Variants in RAB44 observed in about 807,000 individuals in gnomAD.
RAB44 encodes ras-related protein Rab-44.
A neutral mutation model predicts 93.3 loss-of-function variants in RAB44; 67 were observed. The observed-to-expected ratio is 0.72, with a 90% CI of 0.59 to 0.88. The LOEUF (loss-of-function observed/expected upper bound fraction) is 0.88. Among genes scored for constraint, RAB44 ranks in the 40% least tolerant of loss-of-function variants. The probability of loss-of-function intolerance (pLI) is 0.00; values close to 1 mark genes in which losing one functional copy is unlikely to be tolerated. For synonymous variants in RAB44, 427 were observed against 520.3 expected (o/e 0.82, Z 2.44); for missense variants, 1,064 against 1,261.7 (o/e 0.84, Z 2.37).
At chr6:36,704,663 G>A (rs1762600422) in intron 2 of RAB44, among the ~76,000 whole-genome samples, 1 of 152,188 alleles carries the variant, frequency 6.6e-6, no homozygotes, top group Non-Finnish European at 1.5e-5. Flanking sequence ...ACCAGCGAAA[G>A]TACTTTAAGC....
rs1467193111 is a variant in RAB44, at chr6:36,721,156, C to T, written c.1022C>T (p.Pro341Leu). The change falls in exon 9 of 14, where the codon CCT becomes CTT. Residue 341 changes from proline to leucine, a missense_variant. By Grantham distance (98) the Pro-to-Leu change is moderately conservative (BLOSUM62 -3). Transcript: ENST00000612677. Reference protein sequence around the residue: ...SWQVEEKLSFPGAGEKTPDPQ... With the variant: ...SWQVEEKLSFLGAGEKTPDPQ... ...CTTCCCTGCTTCATTTCCAGTTTTC[C>T]TGGAGCGGGTGAGAAGACCCCAGAC... 12 of 1,234,324 alleles carry T rather than the reference C, an allele frequency of 9.7e-6. No individual in the cohort carries two copies. Among genetic ancestry groups the T allele is most frequent in the Non-Finnish European group, 1.2e-5 (12 of 988,224 alleles). The allele number at this position is 1,234,324 out of a possible 1,614,324, so 76.5% of individuals were successfully genotyped here. A position where few individuals can be genotyped will look rare whatever the true frequency, so the allele number is the denominator to read the frequency against.
chr6:36,711,306 C>T (rs955593259), intron 2 of RAB44, among the ~76,000 whole-genome samples: 39 of 151,962 alleles, frequency 2.6e-4, no homozygotes, highest in African/African-American at 8.5e-4. Flanking sequence ...TTATTTGATC[C>T]GAAAGTCGAA....
intron 1 of RAB44, among the ~76,000 whole-genome samples, chr6:36,703,934 CTT>C (rs1315642225): frequency 6.6e-6 from 1 of 152,116 alleles, no homozygotes; most frequent in Non-Finnish European, 1.5e-5. Context: ...TCGGAGAAGA[CTT>C]TGATAGTTGA....
chr6:36,705,178 A>G (rs540029574), intron 2 of RAB44, among the ~76,000 whole-genome samples: 1 of 152,118 alleles, frequency 6.6e-6, no homozygotes, highest in South Asian at 2.1e-4. Flanking sequence ...AGAGCGTTTG[A>G]GAAGCCAGCA....
chr6:36,716,197 C>T (rs532805301), intron 4 of RAB44, among the ~76,000 whole-genome samples: 7 of 152,234 alleles, frequency 4.6e-5, no homozygotes, highest in African/African-American at 9.6e-5. Flanking sequence ...TGGCCGGGCA[C>T]GGTGGCTCAT....
At chr6:36,729,894 C>T (rs1455914826) in intron 12 of RAB44, among the ~76,000 whole-genome samples, 5 of 152,148 alleles carry the variant, frequency 3.3e-5, no homozygotes, top group Non-Finnish European at 2.9e-5. Flanking sequence ...CTAATGGATA[C>T]CCATGTATAA....
intron 11 of RAB44, among the ~76,000 whole-genome samples, chr6:36,728,029 T>G (rs545929187): frequency 6.6e-6 from 1 of 152,232 alleles, no homozygotes; most frequent in South Asian, 2.1e-4. Context: ...ACATCTCTAG[T>G]TTTTCCCCTG....
chr6:36,716,038 T>G (rs545320966), intron 4 of RAB44, among the ~76,000 whole-genome samples: 46 of 152,214 alleles, frequency 3.0e-4, no homozygotes, highest in Non-Finnish European at 4.6e-4. Context: ...GGTGCCTTTC[T>G]TCACTCAGTG....
chr6:36,728,634 G>C, intron 11 of RAB44, 66 bp from the exon 12 acceptor site: 2 of 1,339,794 alleles, frequency 1.5e-6, no homozygotes, highest in Non-Finnish European at 2.1e-6. Flanking sequence ...CAGCTTCTAG[G>C]AAGGCAAATG....
chr6:36,707,688 G>C (rs761274215), intron 2 of RAB44, among the ~76,000 whole-genome samples: 1 of 152,172 alleles, frequency 6.6e-6, no homozygotes, highest in South Asian at 2.1e-4. Flanking sequence ...CATCGAACCT[G>C]GTACAGTCCT....
intron 2 of RAB44, among the ~76,000 whole-genome samples, chr6:36,704,953 C>T (rs1254831291): frequency 6.6e-6 from 1 of 152,046 alleles, no homozygotes; most frequent in Non-Finnish European, 1.5e-5. Context: ...AACCCCGTCT[C>T]TACTAAAAAT....
intron 1 of RAB44, among the ~76,000 whole-genome samples, chr6:36,703,936 T>C (rs1177463650): frequency 1.3e-5 from 2 of 151,934 alleles, no homozygotes; most frequent in Non-Finnish European, 1.5e-5. Context: ...GGAGAAGACT[T>C]TGATAGTTGA....
At chr6:36,724,207 AC>A (rs1452472396) in intron 9 of RAB44, among the ~76,000 whole-genome samples, 3 of 151,472 alleles carry the variant, frequency 2.0e-5, no homozygotes. Flanking sequence ...TCGCCCTGTC[AC>A]CCAGGCTCCA....
chr6:36,727,808 C>T, intron 11 of RAB44, 117 bp downstream of exon 11: 2 of 713,340 alleles, frequency 2.8e-6, no homozygotes, highest in Non-Finnish European at 5.0e-6. Context: ...ATATGGGTGA[C>T]ACCACCCACT....
chr6:36,728,606 C>A, intron 11 of RAB44, 94 bp from the exon 12 acceptor site: 2 of 951,612 alleles, frequency 2.1e-6, no homozygotes, highest in Non-Finnish European at 1.7e-6. Flanking sequence ...GGAGGGGGAA[C>A]ATGCGGGGGA....
intron 1 of RAB44, among the ~76,000 whole-genome samples, chr6:36,700,241 G>A (rs995644750): frequency 6.6e-6 from 1 of 152,174 alleles, no homozygotes; most frequent in African/African-American, 2.4e-5. Context: ...AGGAAACTCA[G>A]GCACAGAGAT....
chr6:36,728,374 C>CTAT lies in RAB44; in HGVS notation c.2797-315_2797-313dup, dbSNP rs894372014. 1.8e-4 allele frequency among the ~76,000 whole-genome samples: 28 copies of CTAT among 152,124 alleles called. 1 individual carries two copies. The highest frequency in any genetic ancestry group is 3.8e-4 in the Non-Finnish European group (26 of 68,036). On this transcript the variant is annotated intron_variant, in intron 11 of 13. Transcript: ENST00000612677. ...ATAGCAATCACTCACTAATCAGAAA[C>CTAT]TATTATTATTATTCATGAGACAATT...
intron 6 of RAB44, 46 bp from the exon 7 acceptor site, chr6:36,718,447 G>A: frequency 1.9e-6 from 2 of 1,047,818 alleles, no homozygotes. Context: ...TGCCTGGCTA[G>A]CTCTTAGAGT....
intron 10 of RAB44, 116 bp from the exon 11 acceptor site, chr6:36,727,461 C>T (rs1375094019): frequency 1.5e-5 from 10 of 666,220 alleles, no homozygotes; most frequent in African/African-American, 3.6e-5. Context: ...GAAAAGCATA[C>T]GGACATGCTC....
Sources: gnomAD v4.1 joint callset for allele counts (sites outside exome capture counted in the v4.1 genomes callset) on GRCh38, gnomAD v4.1.1 for gene constraint, MANE v1.5 for transcripts, NCBI Gene and HGNC (gene_info 2026-07-23, HGNC 2026-07-21) for gene names.